VASH2: variants seen among roughly 807,000 people sequenced by gnomAD.
The protein encoded by VASH2 is vasohibin 2.
VASH2 carries 28 observed loss-of-function variants against 37.2 expected under a neutral mutation model. The observed-to-expected ratio is 0.75, with a 90% CI of 0.56 to 1.03. The LOEUF (loss-of-function observed/expected upper bound fraction) is 1.03. Ranked by LOEUF, VASH2 falls within the 50% of genes least tolerant of loss-of-function variation. VASH2 has a pLI of 0.00. For synonymous variants in VASH2, 188 were observed against 174.7 expected, an observed-to-expected ratio of 1.08 and a Z score of -0.60; for missense variants, 419 against 459.1, an observed-to-expected ratio of 0.91 and a Z score of 0.80.
At chr1:212,965,602 C>T (rs182403211) in intron 3 of VASH2, 120 bp from the exon 4 acceptor site, 21 of 861,702 alleles carry the variant, frequency 2.4e-5, no homozygotes, top group African/African-American at 2.4e-4. Context: ...TGGGTGCTGG[C>T]GACTTCTGAA....
chr1:212,985,677 A>G (rs1039325308), intron 7 of VASH2, among the ~76,000 whole-genome samples: 1 of 152,144 alleles, frequency 6.6e-6, no homozygotes, highest in African/African-American at 2.4e-5. Context: ...TCAGCCTCCC[A>G]AAGTGCTTGG....
chr1:212,955,295 A>G (rs562908682), intron 2 of VASH2, among the ~76,000 whole-genome samples: 3 of 152,332 alleles, frequency 2.0e-5, no homozygotes, highest in African/African-American at 7.2e-5. Context: ...ACATTCCCTT[A>G]GCAGCCATGG....
intron 2 of VASH2, chr1:212,952,700 A>G (rs1282652456): frequency 6.6e-6 from 1 of 152,308 alleles, no homozygotes; most frequent in Non-Finnish European, 1.5e-5. Flanking sequence ...CCTCGGGGTT[A>G]TAGCGTGGCG....
At chr1:212,956,221 A>G (rs1377307820) in intron 2 of VASH2, among the ~76,000 whole-genome samples, 1 of 152,148 alleles carries the variant, frequency 6.6e-6, no homozygotes, top group Non-Finnish European at 1.5e-5. Flanking sequence ...TGTGCTTCAC[A>G]AGAACAGAGT....
At position 212,991,523 on chromosome 1, in the gene VASH2, T is replaced by C. The variant is rs2075860273; in HGVS notation, c.*2939T>C. ...AGTGCATGTTTCAAGTTAATGTTTT[T>C]CTCATCACTTGTATGTTTCTAACAC... On this transcript the variant is annotated 3_prime_UTR_variant, in exon 8 of 8. Coordinates refer to ENST00000517399, the MANE Select transcript of VASH2 (RefSeq NM_001301056.2). 1 of 152,262 alleles carries C rather than the reference T, an allele frequency of 6.6e-6. No homozygotes were observed. The highest frequency in any genetic ancestry group is 2.1e-4 in the South Asian group (1 of 4,838). 9.4% of individuals were successfully genotyped at this position (152,262 alleles called of 1,614,324 possible). A position where few individuals can be genotyped will look rare whatever the true frequency, so the allele number is the denominator to read the frequency against.
rs1182635304 is a variant in VASH2, at chr1:212,950,931, C to G, written c.-205+191C>G. Among the ~76,000 whole-genome samples the G allele has an allele frequency of 1.3e-5, 2 of 152,260 alleles. No homozygotes were observed. Among genetic ancestry groups the G allele is most frequent in the Non-Finnish European group, 2.9e-5 (2 of 68,050 alleles). ...TTGCAAGCCAAGGCTGCTGCAGCGC[C>G]CTCGCGCCAGCTCTGGGCGCTCACA... is the stretch of plus-strand genomic sequence containing the variant. On this transcript the variant is annotated intron_variant, in intron 1 of 7. Coordinates refer to ENST00000517399, the MANE Select transcript of VASH2 (RefSeq NM_001301056.2). This position sits in a 1 kb window ranked among gnomAD's most constrained non-coding sequence, Gnocchi z 5.5.
intron 5 of VASH2, chr1:212,968,084 G>A (rs931990646): frequency 6.0e-6 from 3 of 498,504 alleles, no homozygotes; most frequent in African/African-American, 4.2e-5. Flanking sequence ...GGAGAGGATC[G>A]GATTTAGGGA....
chr1:212,968,465 A>C, intron 5 of VASH2: 1 of 985,458 alleles, frequency 1.0e-6, no homozygotes, highest in African/African-American at 1.7e-5. Context: ...CTTTGTGGGA[A>C]GGAGAATCTC....
intron 5 of VASH2, among the ~76,000 whole-genome samples, chr1:212,972,016 A>G (rs755854799): frequency 2.4e-4 from 37 of 152,170 alleles, no homozygotes; most frequent in Non-Finnish European, 4.4e-4. Context: ...TGGAAAGATG[A>G]TCCCAGGCTT....
In VASH2 at chr1:212,951,403, C is replaced by G; in HGVS notation, c.-140C>G. The G allele has an allele frequency of 3.1e-6, 1 of 326,640 alleles. No individual in the cohort carries two copies. The highest frequency in any genetic ancestry group is 4.4e-6 in the Non-Finnish European group (1 of 224,870). 20.2% of individuals were successfully genotyped at this position (326,640 alleles called of 1,614,324 possible). ...CGCCGCTCCCCCTTGGTGAGTCCTG[C>G]CGCAGCGAGAGGCATGGAGAAGGCC... On this transcript the variant is annotated 5_prime_UTR_variant, in exon 2 of 8. Coordinates refer to ENST00000517399, the MANE Select transcript of VASH2 (RefSeq NM_001301056.2). This position sits in a 1 kb window ranked among gnomAD's most constrained non-coding sequence, Gnocchi z 4.4.
rs1478766383 is a variant in VASH2, at chr1:212,990,647, C to T, written c.*2063C>T. ...AACAAGGAGGAAAAGAACAGGAATA[C>T]AAACTCTGTAATATGCTGATAAAGA... On this transcript the variant is annotated 3_prime_UTR_variant, in exon 8 of 8. Transcript: ENST00000517399. 4.6e-5 allele frequency: 7 copies of T among 152,178 alleles called. No homozygotes were observed. Among genetic ancestry groups the T allele is most frequent in the African/African-American group, 9.7e-5 (4 of 41,446 alleles). The allele number at this position is 152,178 out of a possible 1,614,324, so 9.4% of individuals were successfully genotyped here.
chr1:212,988,435 A>G (rs1407097949), intron 7 of VASH2, 77 bp from the exon 8 acceptor site: 9 of 1,457,028 alleles, frequency 6.2e-6, no homozygotes, highest in Non-Finnish European at 8.6e-6. Flanking sequence ...AAAACCGAGT[A>G]GAGGACCTTG....
At chr1:212,977,771 AC>A (rs970530034) in intron 7 of VASH2, among the ~76,000 whole-genome samples, 2 of 152,124 alleles carry the variant, frequency 1.3e-5, no homozygotes, top group African/African-American at 4.8e-5. Context: ...AGACTGCTGG[AC>A]CCCTTTCCCA....
chr1:212,951,507 C>G lies in VASH2; in HGVS notation c.-36C>G. ...CGCCGCCGCCGCTGCCGCCGCCGCG[C>G]GCCCCCAGTACCTCGCTCCCCGCCC... On this transcript the variant is annotated 5_prime_UTR_variant, in exon 2 of 8. Transcript: ENST00000517399. The surrounding 1 kb of genome is among the most constrained non-coding windows in gnomAD (Gnocchi z 4.4). 1 of 1,223,030 alleles carries G rather than the reference C, an allele frequency of 8.2e-7. No individual in the cohort carries two copies. The highest frequency in any genetic ancestry group is 4.1e-5 in the South Asian group (1 of 24,318). 75.8% of individuals were successfully genotyped at this position (1,223,030 alleles called of 1,614,324 possible).
At chr1:212,954,113 G>A (rs1353591725) in intron 2 of VASH2, among the ~76,000 whole-genome samples, 2 of 152,118 alleles carry the variant, frequency 1.3e-5, no homozygotes, top group East Asian at 1.9e-4. Context: ...AGCTCTCACC[G>A]TGTTGCCCAG....
chr1:212,986,096 G>C (rs1181694000), intron 7 of VASH2, among the ~76,000 whole-genome samples: 1 of 152,116 alleles, frequency 6.6e-6, no homozygotes, highest in African/African-American at 2.4e-5. Flanking sequence ...GTTTATATTT[G>C]GATAAAAAAT....
chr1:212,963,979 T>A (rs1666759695), intron 3 of VASH2, among the ~76,000 whole-genome samples: 1 of 152,180 alleles, frequency 6.6e-6, no homozygotes, highest in Admixed American at 6.5e-5. Context: ...TTTCCTCTTT[T>A]ACCTCTAGGA....
chr1:212,951,845 G>A lies in VASH2; in HGVS notation c.276+27G>A, dbSNP rs190694370. ...TCAGTGGCTTCCAGGGCGGAGTTGG[G>A]GGGCTGGGGGTAGGTAGGCAGCGAT... On this transcript the variant is annotated intron_variant, in intron 2 of 7. Transcript: ENST00000517399. This position sits in a 1 kb window ranked among gnomAD's most constrained non-coding sequence, Gnocchi z 4.4. 3.8e-6 allele frequency: 6 copies of A among 1,585,466 alleles called. No individual in the cohort carries two copies. The Admixed American group carries it at 1.1e-4, about 28-fold the overall frequency.
chr1:212,958,702 T>C (rs1331417296), intron 2 of VASH2, among the ~76,000 whole-genome samples: 2 of 152,122 alleles, frequency 1.3e-5, no homozygotes, highest in Non-Finnish European at 2.9e-5. Context: ...TGTGCTTTTC[T>C]GTGCAGAAAT....
Sources: gnomAD v4.1 joint callset for allele counts (sites outside exome capture counted in the v4.1 genomes callset) on GRCh38, gnomAD v4.1.1 for gene constraint, Gnocchi (gnomAD v3.1) non-coding constraint, MANE v1.5 for transcripts, NCBI Gene and HGNC (gene_info 2026-07-23, HGNC 2026-07-21) for gene names.